The following RGPD8 variants were observed in gnomAD, a reference collection of about 807,000 sequenced individuals.
The protein encoded by RGPD8 is RANBP2 like and GRIP domain containing 8.
RGPD8 carries 15 observed loss-of-function variants against 89.1 expected under a neutral mutation model. The observed-to-expected ratio is 0.17, with a 90% CI of 0.11 to 0.26. The LOEUF (loss-of-function observed/expected upper bound fraction) is 0.26. Among genes scored for constraint, RGPD8 ranks in the 10% least tolerant of loss-of-function variants. The pLI, the probability that RGPD8 is intolerant of heterozygous loss-of-function variation, is 1.00. For missense variants in RGPD8, 178 were observed against 1,179.6 expected (o/e 0.15, Z 12.44); for synonymous variants, 62 against 420.9 (o/e 0.15, Z 10.44).
rs1316839718 is a variant in RGPD8 at position 112,424,908 on chromosome 2, GA to G, written c.73-602del. On this transcript the variant is annotated intron_variant, in intron 1 of 22. Transcript: ENST00000302558. ...CACAACAAGATCCTGTCTCCAGGGG[GA>G]AAAAAATAGCCAGGCATAGTGGAGC... is the stretch of plus-strand genomic sequence containing the variant. Among the ~76,000 whole-genome samples, 4 of 147,302 alleles carry G rather than the reference GA, an allele frequency of 2.7e-5. No individual in the cohort carries two copies. The East Asian group carries it at 6.0e-4, about 22-fold the overall frequency.
intron 6 of RGPD8, among the ~76,000 whole-genome samples, chr2:112,415,712 CAAAAAAA>C (rs1228042690): frequency 1.1e-5 from 1 of 91,354 alleles, no homozygotes; most frequent in Admixed American, 1.1e-4. Flanking sequence ...GACTCTGTCT[CAAAAAAA>C]AAAAAAAAAA....
intron 1 of RGPD8, among the ~76,000 whole-genome samples, chr2:112,432,958 G>T (rs1192222037): frequency 2.9e-5 from 4 of 136,092 alleles, no homozygotes; most frequent in African/African-American, 8.0e-5. Context: ...GGCCGCCGCC[G>T]GGCCGGGTCG....
At chr2:112,432,415 T>A (rs1287781458) in intron 1 of RGPD8, 5 of 888,802 alleles carry the variant, frequency 5.6e-6, no homozygotes, top group African/African-American at 1.9e-5. Context: ...AGGAGTGGAG[T>A]GGAGCTGGAC....
intron 1 of RGPD8, among the ~76,000 whole-genome samples, chr2:112,426,767 C>A (rs1441942928): frequency 1.3e-5 from 2 of 149,286 alleles, no homozygotes; most frequent in Non-Finnish European, 3.0e-5. Context: ...GCAATCTTAA[C>A]AAAAATAATA....
chr2:112,374,557 T>A (rs929503689), intron 22 of RGPD8, among the ~76,000 whole-genome samples: 3 of 136,042 alleles, frequency 2.2e-5, no homozygotes, highest in African/African-American at 7.8e-5. Flanking sequence ...GCTTTTGAGA[T>A]TTCTCTCTGT....
chr2:112,417,083 T>C, intron 6 of RGPD8, 110 bp downstream of exon 6: 2 of 1,601,742 alleles, frequency 1.2e-6, no homozygotes, highest in Non-Finnish European at 1.7e-6. Flanking sequence ...CTATAACTCC[T>C]AGGTACATTA....
At position 112,422,613 on chromosome 2, in the gene RGPD8, G is replaced by A; in HGVS notation, c.187C>T (p.His63Tyr). 3 of 1,608,352 alleles carry A rather than the reference G, an allele frequency of 1.9e-6. No individual in the cohort carries two copies. The highest frequency in any genetic ancestry group is 2.2e-5 in the South Asian group (2 of 90,798). ...TCATAAAGAAGACCCAGAAATCTGT[G>A]AGCTTTGGGATCCCTCTCTTGCACA... ...INVQERDPKA[H>Y]RFLGLLYELE... Residue 63 changes from histidine (H) to tyrosine (Y), a missense_variant, in exon 3 of 23, where the codon CAC (histidine) becomes TAC (tyrosine). Coordinates refer to ENST00000302558, the MANE Select transcript of RGPD8 (RefSeq NM_001164463.1).
intron 6 of RGPD8, among the ~76,000 whole-genome samples, chr2:112,416,088 CAAAAAAAAAAAAA>C (rs1168507298): frequency 6.7e-5 from 6 of 88,916 alleles, no homozygotes; most frequent in South Asian, 4.4e-4. Flanking sequence ...GACTCCATCT[CAAAAAAAAAAAAA>C]AAAAAAAAAA....
At chr2:112,414,487 A>C (rs1348011380) in intron 6 of RGPD8, among the ~76,000 whole-genome samples, 1 of 125,684 alleles carries the variant, frequency 8.0e-6, no homozygotes, top group Non-Finnish European at 1.6e-5. Flanking sequence ...CAAAAAAAAA[A>C]AAAAAAAGCT....
At chr2:112,382,247 TCCATCCATCCATC>T (rs1478444864) in intron 20 of RGPD8, among the ~76,000 whole-genome samples, 15 of 152,346 alleles carry the variant, frequency 9.8e-5, no homozygotes, top group South Asian at 6.2e-4. Flanking sequence ...TTAATAAGCA[TCCATCCATCCATC>T]CCATCCATCC....
At chr2:112,424,767 C>A (rs553249605) in intron 1 of RGPD8, among the ~76,000 whole-genome samples, 21 of 150,628 alleles carry the variant, frequency 1.4e-4, no homozygotes, top group African/African-American at 4.9e-4. Context: ...TCATCATCAT[C>A]ATAAATAAGC....
intron 20 of RGPD8, among the ~76,000 whole-genome samples, chr2:112,385,646 CATA>C (rs1274979605): frequency 2.1e-5 from 3 of 144,084 alleles, no homozygotes; most frequent in African/African-American, 7.9e-5. Context: ...ATATTTTGGA[CATA>C]ATGAGTTAAA....
intron 6 of RGPD8, among the ~76,000 whole-genome samples, chr2:112,416,015 G>GGGAGGC (rs1205970936): frequency 1.3e-5 from 2 of 151,970 alleles, no homozygotes; most frequent in African/African-American, 4.8e-5. Flanking sequence ...GCCTGAACCC[G>GGGAGGC]GGAGGCGGAG....
At chr2:112,379,437 T>TA (rs1483646537) in intron 21 of RGPD8, among the ~76,000 whole-genome samples, 3 of 146,540 alleles carry the variant, frequency 2.0e-5, no homozygotes, top group South Asian at 2.2e-4. Flanking sequence ...TCTAGTAAAA[T>TA]AAAAAAAATT....
Position 112,432,313 on chromosome 2 carries a change from C to T in RGPD8, c.72+1069G>A, listed in dbSNP as rs566622934. Among the ~76,000 whole-genome samples the T allele has an allele frequency of 8.1e-4, 123 of 151,286 alleles. 1 individual carries two copies. Among genetic ancestry groups the T allele is most frequent in the African/African-American group, 2.9e-3 (119 of 41,148 alleles). On this transcript the variant is annotated intron_variant, in intron 1 of 22. Coordinates refer to ENST00000302558, the MANE Select transcript of RGPD8 (RefSeq NM_001164463.1). ...GGTTAAAAATTGTAAGCCATACTAA[C>T]GATTTGTAAGAACTTTAGAATTTTT...
chr2:112,419,705 C>T (rs1186771299), intron 4 of RGPD8, among the ~76,000 whole-genome samples: 3 of 145,998 alleles, frequency 2.1e-5, no homozygotes, highest in African/African-American at 7.5e-5. Context: ...AGAAAAGAAT[C>T]TCCTGCCATT....
chr2:112,427,861 C>A (rs1292656403), intron 1 of RGPD8, among the ~76,000 whole-genome samples: 1 of 151,932 alleles, frequency 6.6e-6, no homozygotes, highest in Non-Finnish European at 1.5e-5. Context: ...CATGAGTTCC[C>A]CAATCTTCTT....
At chr2:112,423,830 A>G (rs1219400427) in intron 2 of RGPD8, among the ~76,000 whole-genome samples, 2 of 152,230 alleles carry the variant, frequency 1.3e-5, no homozygotes, top group East Asian at 1.9e-4. Context: ...TATTGTGTCA[A>G]TTAAAGATCT....
intron 9 of RGPD8, among the ~76,000 whole-genome samples, chr2:112,402,627 A>G (rs1678913329): frequency 2.1e-5 from 3 of 144,682 alleles, no homozygotes; most frequent in South Asian, 4.3e-4. Context: ...TGTCTCAGTA[A>G]TTCTGTTTTT....
Sources: gnomAD v4.1 joint callset for allele counts (sites outside exome capture counted in the v4.1 genomes callset) on GRCh38, gnomAD v4.1.1 for gene constraint, MANE v1.5 for transcripts, NCBI Gene and HGNC (gene_info 2026-07-23, HGNC 2026-07-21) for gene names.